The following ZDHHC19 variants were observed in gnomAD, a reference collection of about 807,000 sequenced individuals.
ZDHHC19 encodes the protein zDHHC palmitoyltransferase 19, also known as palmitoyltransferase ZDHHC19.
Under a neutral mutation model 33.9 loss-of-function variants are expected in ZDHHC19, and 30 were observed. That is an observed-to-expected ratio of 0.88 (90% CI 0.66 to 1.20). The LOEUF (loss-of-function observed/expected upper bound fraction) is 1.20. Among genes scored for constraint, ZDHHC19 ranks in the 50% most tolerant of loss-of-function variants. ZDHHC19 has a pLI of 0.00. For synonymous variants in ZDHHC19, 178 were observed against 167.6 expected (o/e 1.06, Z -0.48); for missense variants, 364 against 401.1 (o/e 0.91, Z 0.79).
At chr3:196,198,005 G>A (rs942268581) in intron 7 of ZDHHC19, among the ~76,000 whole-genome samples, 19 of 152,132 alleles carry the variant, frequency 1.2e-4, no homozygotes, top group Non-Finnish European at 2.2e-4. Flanking sequence ...TCAGTCCTGC[G>A]AGTAGGTGAC....
chr3:196,201,046 C>T (rs1411230869), intron 5 of ZDHHC19, among the ~76,000 whole-genome samples: 2 of 151,644 alleles, frequency 1.3e-5, no homozygotes, highest in African/African-American at 2.4e-5. Flanking sequence ...GAATGATGAT[C>T]TTTAATAAAT....
At chr3:196,210,870 C>T in intron 1 of ZDHHC19, 133 bp from the exon 2 acceptor site, 1 of 1,377,212 alleles carries the variant, frequency 7.3e-7, no homozygotes, top group Non-Finnish European at 9.7e-7. Flanking sequence ...AATACCCAGG[C>T]AGACTCATAA....
In ZDHHC19 at chr3:196,197,714, G is replaced by A. The variant is rs912906712; in HGVS notation, c.*31C>T. On this transcript the variant is annotated 3_prime_UTR_variant, in exon 8 of 8. Transcript: ENST00000296326. The surrounding 1 kb of genome is among the most constrained non-coding windows in gnomAD (Gnocchi z 4.4). ...CCTGCAGCAGCAGGGGCAGCACTGGGCCCGTGTGGAACTAAACACAGAACA... is the reference window on the plus strand; with the variant it reads ...CCTGCAGCAGCAGGGGCAGCACTGGACCCGTGTGGAACTAAACACAGAACA... 1.3e-5 allele frequency: 2 copies of A among 152,534 alleles called. No homozygotes were observed. The highest frequency in any genetic ancestry group is 4.8e-5 in the African/African-American group (2 of 41,430). The allele number at this position is 152,534 out of a possible 1,614,324, so 9.4% of individuals were successfully genotyped here. A position where few individuals can be genotyped will look rare whatever the true frequency, so the allele number is the denominator to read the frequency against.
intron 5 of ZDHHC19, among the ~76,000 whole-genome samples, chr3:196,199,997 T>G (rs1160814548): frequency 6.6e-6 from 1 of 151,740 alleles, no homozygotes; most frequent in Non-Finnish European, 1.5e-5. Flanking sequence ...TGATTAAATT[T>G]ATGGAATTTG....
intron 3 of ZDHHC19, chr3:196,209,119 C>T (rs1723011946): frequency 2.1e-6 from 1 of 474,476 alleles, no homozygotes; most frequent in South Asian, 3.5e-5. Flanking sequence ...CCTCTCCTCC[C>T]CTGGCCTGAC....
intron 5 of ZDHHC19, among the ~76,000 whole-genome samples, chr3:196,200,406 G>C (rs1333452063): frequency 2.1e-5 from 3 of 145,338 alleles, no homozygotes; most frequent in Non-Finnish European, 4.5e-5. Context: ...CCAGGCTGGA[G>C]TGCAGTGGCG....
intron 3 of ZDHHC19, 79 bp downstream of exon 3, chr3:196,209,297 C>T (rs1723022950): frequency 2.0e-6 from 3 of 1,508,882 alleles, no homozygotes; most frequent in South Asian, 2.6e-5. Context: ...ACACCCAGCC[C>T]TGGCCCCTGT....
chr3:196,198,618 A>C, intron 6 of ZDHHC19, 167 bp from the exon 7 acceptor site: 1 of 1,548,312 alleles, frequency 6.5e-7, no homozygotes, highest in Non-Finnish European at 8.7e-7. Flanking sequence ...GCAGGAACAC[A>C]CAGAGCCAAG....
chr3:196,208,343 T>TGGCTGTCCCCGCCTCCTC (rs1560139627), intron 4 of ZDHHC19, 45 bp downstream of exon 4: 1 of 1,550,444 alleles, frequency 6.4e-7, no homozygotes. Flanking sequence ...GCCCCCTCCT[T>TGGCTGTCCCCGCCTCCTC]GGCTGTCCCC....
At chr3:196,200,503 C>CCT (rs1560130848) in intron 5 of ZDHHC19, among the ~76,000 whole-genome samples, 1 of 149,760 alleles carries the variant, frequency 6.7e-6, no homozygotes, top group East Asian at 2.0e-4. Flanking sequence ...TACAGGTGCT[C>CCT]GCCACCACGC....
At position 196,207,451 on chromosome 3, in the gene ZDHHC19, G is replaced by GCAGGAGGGACAGCGGCAC. The variant is rs776741665; in HGVS notation, c.616_633dup (p.Val206_Leu211dup). The GCAGGAGGGACAGCGGCAC allele has an allele frequency of 2.3e-4, 355 of 1,576,754 alleles. No homozygotes were observed. The highest frequency in any genetic ancestry group is 3.0e-4 in the Non-Finnish European group (347 of 1,162,238). ...CTCACGGACAGTGCCTGGATCAGCA[G>GCAGGAGGGACAGCGGCAC]CAGGAGGGACAGCGGCACCAGGAGG... On this transcript the variant is annotated inframe_insertion, in exon 5 of 8. Transcript: ENST00000296326.
In ZDHHC19 at chr3:196,200,328, A is replaced by ATATATATATATATATATATATATG. The variant is rs1577313924; in HGVS notation, c.688-1455_688-1454insCATATATATATATATATATATATA. ...ATTGACAGAATTTTAAAATTTAGGGATATATATATATATATGTATATATAT... is the reference window on the plus strand; with the variant it reads ...ATTGACAGAATTTTAAAATTTAGGGATATATATATATATATATATATATGTATATATATATATATGTATATATAT... On this transcript the variant is annotated intron_variant, in intron 5 of 7. Transcript: ENST00000296326. Among the ~76,000 whole-genome samples the ATATATATATATATATATATATATG allele has an allele frequency of 3.0e-4, 7 of 23,376 alleles. No individual in the cohort carries two copies. The East Asian group carries it at 0.1, about 344-fold the overall frequency. 15.3% of individuals were successfully genotyped at this position (23,376 alleles called of 152,430 possible). A position where few individuals can be genotyped will look rare whatever the true frequency, so the allele number is the denominator to read the frequency against.
intron 4 of ZDHHC19, among the ~76,000 whole-genome samples, chr3:196,207,756 C>G (rs1195593535): frequency 8.7e-5 from 2 of 23,050 alleles, no homozygotes; most frequent in African/African-American, 3.9e-4. Flanking sequence ...GCCCCTCAGG[C>G]CCGACTCCGC....
chr3:196,207,477 C>T lies in ZDHHC19; in HGVS notation c.608G>A (p.Gly203Asp). ...IAIVVAVSAA[G>D]LLVPLSLLLL... Reference sequence around the variant, plus strand: ...CAGGAGGGACAGCGGCACCAGGAGGCCCGCGGCGGACACGGCCACCACGAT... The same window carrying T: ...CAGGAGGGACAGCGGCACCAGGAGGTCCGCGGCGGACACGGCCACCACGAT... The change falls in exon 5 of 8, where the codon GGC becomes GAC. Residue 203 changes from glycine to aspartate, a missense_variant. Physicochemically the swap from Gly to Asp is moderately conservative, Grantham distance 94. Transcript: ENST00000296326. The T allele has an allele frequency of 6.4e-7, 1 of 1,568,362 alleles. No individual in the cohort carries two copies.
intron 6 of ZDHHC19, 52 bp downstream of exon 6, chr3:196,198,737 C>A: frequency 6.2e-7 from 1 of 1,608,770 alleles, no homozygotes; most frequent in Non-Finnish European, 8.5e-7. Flanking sequence ...GTGAACCCAC[C>A]TCTGCCCCAC....
chr3:196,198,340 G>C lies in ZDHHC19; in HGVS notation c.885C>G (p.Thr295=), dbSNP rs767259569. The C allele has an allele frequency of 2.0e-6, 3 of 1,517,108 alleles. No homozygotes were observed. Among genetic ancestry groups the C allele is most frequent in the Non-Finnish European group, 2.6e-6 (3 of 1,133,392 alleles). The allele number at this position is 1,517,108 out of a possible 1,614,324, so 94.0% of individuals were successfully genotyped here. A position where few individuals can be genotyped will look rare whatever the true frequency, so the allele number is the denominator to read the frequency against. Residue 295 remains threonine, a synonymous_variant, in exon 7 of 8, where the codon ACC becomes ACG. Coordinates refer to ENST00000296326, the MANE Select transcript of ZDHHC19 (RefSeq NM_001039617.2). ...SPSALNPPAP[T]SGSLQSREGT... ...CTTCCCTGCTTTGTAGGGACCCAGA[G>C]GTTGGGGCTGGGGGGTTGAGAGCAG...
Position 196,197,880 on chromosome 3 carries a change from C to T in ZDHHC19, c.*20-155G>A, listed in dbSNP as rs1400763473. Among the ~76,000 whole-genome samples the T allele has an allele frequency of 7.2e-5, 11 of 152,176 alleles. No individual in the cohort carries two copies. Among genetic ancestry groups the T allele is most frequent in the Admixed American group, 4.6e-4 (7 of 15,302 alleles). On this transcript the variant is annotated intron_variant, in intron 7 of 7. Transcript: ENST00000296326. This position sits in a 1 kb window ranked among gnomAD's most constrained non-coding sequence, Gnocchi z 4.4. ...CAGGGGTTGCCCAGCCCCACGGTGG[C>T]CTCCTGATGCTCCACCTCCATGTCT...
intron 3 of ZDHHC19, chr3:196,208,801 T>C (rs564433850): frequency 3.8e-6 from 2 of 521,810 alleles, no homozygotes; most frequent in African/African-American, 3.8e-5. Context: ...GAGAGAAGAC[T>C]GGCCTGGCCT....
At chr3:196,198,163 C>G (rs986448446) in intron 7 of ZDHHC19, 113 bp downstream of exon 7, 1 of 1,064,936 alleles carries the variant, frequency 9.4e-7, no homozygotes, top group Non-Finnish European at 1.2e-6. Flanking sequence ...AAGCTCGGAG[C>G]GCTCCAGCTT....
Sources: allele counts gnomAD v4.1 joint callset (sites outside exome capture counted in the v4.1 genomes callset), GRCh38; gene constraint gnomAD v4.1.1; non-coding constraint Gnocchi (gnomAD v3.1); transcripts MANE v1.5; gene names NCBI Gene and HGNC (gene_info 2026-07-23, HGNC 2026-07-21).